POM121C: variants seen among roughly 807,000 people sequenced by gnomAD.
The protein encoded by POM121C is POM121 transmembrane nucleoporin C.
A neutral mutation model predicts 66.4 loss-of-function variants in POM121C; 20 were observed. The observed-to-expected ratio is 0.30, with a 90% CI of 0.21 to 0.44. POM121C has a LOEUF of 0.44. POM121C is among the 20% of genes least tolerant of loss of function. The pLI, the probability that POM121C is intolerant of heterozygous loss-of-function variation, is 1.00. For synonymous variants in POM121C, 286 were observed against 528.0 expected, an observed-to-expected ratio of 0.54 and a Z score of 6.28; for missense variants, 580 against 1,225.7, an observed-to-expected ratio of 0.47 and a Z score of 7.87.
At chr7:75,472,454 C>T (rs587679232) in intron 3 of POM121C, among the ~76,000 whole-genome samples, 36 of 151,984 alleles carry the variant, frequency 2.4e-4, no homozygotes, top group African/African-American at 8.0e-4. Flanking sequence ...CAGAGGTTAT[C>T]GTGAGCCAAG....
In POM121C at chr7:75,418,564, C is replaced by T; in HGVS notation, c.*232G>A. 2.2e-6 allele frequency: 3 copies of T among 1,340,614 alleles called. 1 individual carries two copies. Among genetic ancestry groups the T allele is most frequent in the South Asian group, 1.7e-5 (1 of 57,744 alleles). The allele number at this position is 1,340,614 out of a possible 1,614,324, so 83.0% of individuals were successfully genotyped here. Reference sequence around the variant, plus strand: ...CTCCAGCCTCCCCAGTGGAACTGTTCAAGTAGAGGTCCCGGGCTTTGGCCC... The same window carrying T: ...CTCCAGCCTCCCCAGTGGAACTGTTTAAGTAGAGGTCCCGGGCTTTGGCCC... On this transcript the variant is annotated 3_prime_UTR_variant, in exon 15 of 15. Coordinates refer to ENST00000615331, the MANE Select transcript of POM121C (RefSeq NM_001099415.3).
At chr7:75,479,578 T>G (rs1792230878) in intron 1 of POM121C, among the ~76,000 whole-genome samples, 1 of 146,432 alleles carries the variant, frequency 6.8e-6, no homozygotes, top group South Asian at 2.1e-4. Flanking sequence ...ATAGCACCCC[T>G]GCACTCCAGC....
chr7:75,438,620 T>A (rs1401849459), intron 6 of POM121C, among the ~76,000 whole-genome samples: 4 of 152,210 alleles, frequency 2.6e-5, no homozygotes, highest in Non-Finnish European at 4.4e-5. Context: ...TGAGCAGAAC[T>A]ACGGAAGGCA....
At chr7:75,477,885 A>C (rs1368395542) in intron 1 of POM121C, among the ~76,000 whole-genome samples, 1 of 152,224 alleles carries the variant, frequency 6.6e-6, no homozygotes, top group East Asian at 1.9e-4. Flanking sequence ...AGCACACACC[A>C]AAGAACAACA....
rs782297065 is a variant in POM121C at position 75,424,171 on chromosome 7, G to A, written c.926C>T (p.Thr309Ile). 2 of 1,612,034 alleles carry A rather than the reference G, an allele frequency of 1.2e-6. No individual in the cohort carries two copies. The highest frequency in any genetic ancestry group is 2.2e-5 in the East Asian group (1 of 44,880). The change falls in exon 12 of 15, where the codon ACC (threonine) becomes ATC (isoleucine). Residue 309 changes from threonine to isoleucine, a missense_variant. By Grantham distance (89) the Thr-to-Ile change is moderately conservative. Coordinates refer to ENST00000615331, the MANE Select transcript of POM121C (RefSeq NM_001099415.3). ...ETPPTTQPSF[T>I]FTLPAAATAS... ...AGTTGCAGCAGCAGGCAGGGTAAAG[G>A]TAAATGAAGGCTGAGTGGTAGGTGG...
intron 3 of POM121C, among the ~76,000 whole-genome samples, chr7:75,449,622 C>A (rs1554475343): frequency 1.3e-5 from 2 of 152,146 alleles, no homozygotes; most frequent in African/African-American, 4.8e-5. Flanking sequence ...CACCCGCAGC[C>A]TCCCAAAGTG....
chr7:75,453,582 CAAAA>C (rs1174277234), intron 3 of POM121C, among the ~76,000 whole-genome samples: 6 of 73,736 alleles, frequency 8.1e-5, no homozygotes, highest in Admixed American at 1.4e-4. Flanking sequence ...AACTCGGACT[CAAAA>C]AAAAAAAAAA....
chr7:75,473,991 TC>T (rs1791973822), intron 3 of POM121C, among the ~76,000 whole-genome samples: 1 of 152,068 alleles, frequency 6.6e-6, no homozygotes. Flanking sequence ...CCCGGCCAAG[TC>T]CAAGGTATTT....
chr7:75,439,236 CAAAA>C lies in POM121C; in HGVS notation c.228-16_228-13del. On this transcript the variant is annotated splice_polypyrimidine_tract_variant and intron_variant, in intron 5 of 14. Transcript: ENST00000615331. The stretch of plus-strand genomic sequence containing the variant: ...TGCTATCATGGCGCCTGCGACAAAT[CAAAA>C]AAGTCTCAAATGAAATGACATGACT... The C allele has an allele frequency of 1.2e-6, 2 of 1,613,484 alleles. No homozygotes were observed. The highest frequency in any genetic ancestry group is 1.7e-6 in the Non-Finnish European group (2 of 1,179,852).
chr7:75,471,271 C>T (rs782556809), intron 3 of POM121C, among the ~76,000 whole-genome samples: 2 of 152,000 alleles, frequency 1.3e-5, no homozygotes, highest in Non-Finnish European at 2.9e-5. Flanking sequence ...TATAGTGGCG[C>T]GATCTCAGCT....
intron 1 of POM121C, among the ~76,000 whole-genome samples, chr7:75,481,294 T>C (rs1459945794): frequency 6.6e-6 from 1 of 151,432 alleles, no homozygotes; most frequent in African/African-American, 2.4e-5. Context: ...ATATATCAAA[T>C]ATATTTCAAA....
chr7:75,467,783 C>A (rs370280318), intron 3 of POM121C, among the ~76,000 whole-genome samples: 106 of 152,190 alleles, frequency 7.0e-4, no homozygotes, highest in African/African-American at 2.5e-3. Context: ...GTGTAATAAG[C>A]ACTCATTGAG....
At chr7:75,433,006 G>A (rs1458875538) in intron 7 of POM121C, among the ~76,000 whole-genome samples, 2 of 151,974 alleles carry the variant, frequency 1.3e-5, no homozygotes, top group African/African-American at 2.4e-5. Flanking sequence ...AGGCCAGGGC[G>A]GGTGGAATCA....
chr7:75,418,473 G>A lies in POM121C; in HGVS notation c.*323C>T. On this transcript the variant is annotated 3_prime_UTR_variant, in exon 15 of 15. Transcript: ENST00000615331. The stretch of plus-strand genomic sequence containing the variant: ...ACGGCTCTCGGGGAAAGGTGGAAGG[G>A]GCGCCTGCCTAAGGGTGCGCTAAGC... The A allele has an allele frequency of 9.3e-7, 1 of 1,078,324 alleles. No individual in the cohort carries two copies. The highest frequency in any genetic ancestry group is 1.1e-6 in the Non-Finnish European group (1 of 890,508). 66.8% of individuals were successfully genotyped at this position (1,078,324 alleles called of 1,614,324 possible). A position where few individuals can be genotyped will look rare whatever the true frequency, so the allele number is the denominator to read the frequency against.
At chr7:75,433,712 GT>G (rs1237971315) in intron 7 of POM121C, among the ~76,000 whole-genome samples, 4 of 152,094 alleles carry the variant, frequency 2.6e-5, no homozygotes, top group African/African-American at 7.2e-5. Flanking sequence ...TCTGACCCTT[GT>G]TTTTTATATA....
At chr7:75,430,474 C>CA (rs1296720355) in intron 7 of POM121C, among the ~76,000 whole-genome samples, 19 of 151,768 alleles carry the variant, frequency 1.3e-4, no homozygotes, top group Admixed American at 2.6e-4. Context: ...AACAAACAAA[C>CA]AAAAAAAACT....
At chr7:75,447,077 C>CA (rs1294853023) in intron 3 of POM121C, among the ~76,000 whole-genome samples, 2 of 138,466 alleles carry the variant, frequency 1.4e-5, no homozygotes, top group South Asian at 2.3e-4. Context: ...CAATGTCTGG[C>CA]ATCCTGGCAT....
intron 7 of POM121C, among the ~76,000 whole-genome samples, chr7:75,429,348 AG>A (rs1237222212): frequency 3.9e-5 from 6 of 152,210 alleles, no homozygotes; most frequent in African/African-American, 1.2e-4. Flanking sequence ...CCATATACCT[AG>A]GGCCAGGCAC....
At position 75,477,505 on chromosome 7, in the gene POM121C, T is replaced by G. The variant is rs587594667; in HGVS notation, c.-457-2317A>C. Among the ~76,000 whole-genome samples the G allele has an allele frequency of 2.9e-3, 434 of 152,208 alleles. 1 individual carries two copies. Among genetic ancestry groups the G allele is most frequent in the African/African-American group, 9.8e-3 (408 of 41,532 alleles). On this transcript the variant is annotated intron_variant, in intron 1 of 14. Coordinates refer to ENST00000615331, the MANE Select transcript of POM121C (RefSeq NM_001099415.3). ...AGATACCAGTTTCCCTAAATTACTT[T>G]ATAAATATGCAATCCCAATAAAAAT...
Sources: gnomAD v4.1 joint callset for allele counts (sites outside exome capture counted in the v4.1 genomes callset) on GRCh38, gnomAD v4.1.1 for gene constraint, MANE v1.5 for transcripts, NCBI Gene and HGNC (gene_info 2026-07-23, HGNC 2026-07-21) for gene names.